Variants in HHLA1 observed in about 807,000 individuals in gnomAD.
The protein encoded by HHLA1 is HHLA1 neighbor of OC90.
Under a neutral mutation model 69.9 loss-of-function variants are expected in HHLA1, and 72 were observed. The observed-to-expected ratio is 1.03, with a 90% CI of 0.85 to 1.25. The LOEUF (loss-of-function observed/expected upper bound fraction) is 1.25. Ranked by LOEUF, HHLA1 falls within the 50% of genes most tolerant of loss-of-function variation. HHLA1 has a pLI of 0.00. For synonymous variants in HHLA1, 252 were observed against 233.2 expected, an observed-to-expected ratio of 1.08 and a Z score of -0.73; for missense variants, 685 against 642.2, an observed-to-expected ratio of 1.07 and a Z score of -0.72.
At chr8:132,082,282 G>T (rs1037618838) in intron 10 of HHLA1, among the ~76,000 whole-genome samples, 9 of 152,326 alleles carry the variant, frequency 5.9e-5, no homozygotes, top group African/African-American at 2.2e-4. Flanking sequence ...TTGTGATTTT[G>T]AGGGCCTCTA....
Position 132,072,045 on chromosome 8 carries a change from G to A in HHLA1, c.1316-552C>T, listed in dbSNP as rs375700128. On this transcript the variant is annotated intron_variant, in intron 14 of 16. Transcript: ENST00000414222. ...GAGTGCAAAAAGGAGAGAAAGAAGG[G>A]CAGGTTGAAAGATGAGACTGGCATG... Among the ~76,000 whole-genome samples the A allele has an allele frequency of 5.3e-5, 8 of 152,160 alleles. No homozygotes were observed. The South Asian group carries it at 1.0e-3, about 20-fold the overall frequency.
intron 3 of HHLA1, chr8:132,101,087 T>C (rs964332674): frequency 1.3e-5 from 17 of 1,347,542 alleles, no homozygotes; most frequent in African/African-American, 3.0e-5. Context: ...ACATGAAAAA[T>C]GACCATTGCA....
In HHLA1 at chr8:132,110,613, AT is replaced by A. The variant is rs1563751957; in HGVS notation, c.-22+488del. On this transcript the variant is annotated intron_variant, in intron 1 of 16. Coordinates refer to ENST00000414222, the MANE Select transcript of HHLA1 (RefSeq NM_001145095.3). ...TTAGGAAACCAAGCCTCAGACAAACATAAGGCCCAAGGGAATGCATCTGGGA... is the reference window on the plus strand; with the variant it reads ...TTAGGAAACCAAGCCTCAGACAAACAAAGGCCCAAGGGAATGCATCTGGGA... Among the ~76,000 whole-genome samples, 4 of 152,246 alleles carry A rather than the reference AT, an allele frequency of 2.6e-5. No individual in the cohort carries two copies. The South Asian group carries it at 6.2e-4, about 24-fold the overall frequency.
chr8:132,089,491 C>T, intron 8 of HHLA1, 25 bp downstream of exon 8: 1 of 1,315,156 alleles, frequency 7.6e-7, no homozygotes, highest in Non-Finnish European at 1.1e-6. Flanking sequence ...TCAAAGTTGC[C>T]AAAGCGTTTT....
chr8:132,105,199 G>C lies in HHLA1; in HGVS notation c.67C>G (p.Leu23Val), dbSNP rs769726560. ...LCMGLACVLS[L>V]WNTVSGIKGE... ...CAGCTAGACCCACCTGTGTTCCAAAGGGACAAGACACATGCCAGGCCCATG... is the reference window on the plus strand; with the variant it reads ...CAGCTAGACCCACCTGTGTTCCAAACGGACAAGACACATGCCAGGCCCATG... The change falls in exon 2 of 17, where the codon CTT becomes GTT. Residue 23 changes from leucine (L) to valine (V), a missense_variant. Physicochemically the swap from Leu to Val is conservative, Grantham distance 32 (BLOSUM62 1). Coordinates refer to ENST00000414222, the MANE Select transcript of HHLA1 (RefSeq NM_001145095.3). 5 of 1,551,950 alleles carry C rather than the reference G, an allele frequency of 3.2e-6. No homozygotes were observed. The highest frequency in any genetic ancestry group is 1.7e-4 in the Middle Eastern group (1 of 5,996).
At chr8:132,080,441 C>A (rs1823731253) in intron 10 of HHLA1, 1 of 285,774 alleles carries the variant, frequency 3.5e-6, no homozygotes, top group Non-Finnish European at 6.7e-6. Flanking sequence ...GAGTGGGGGT[C>A]TCAAGGTGCT....
At chr8:132,074,914 AAGAG>A (rs1344191297) in intron 14 of HHLA1, among the ~76,000 whole-genome samples, 2 of 152,212 alleles carry the variant, frequency 1.3e-5, no homozygotes, top group Non-Finnish European at 1.5e-5. Context: ...TAGAGCTAAC[AAGAG>A]AGACAGATAG....
chr8:132,075,136 A>G (rs1220381818), intron 14 of HHLA1, among the ~76,000 whole-genome samples: 2 of 152,196 alleles, frequency 1.3e-5, no homozygotes, highest in Non-Finnish European at 2.9e-5. Context: ...GCATAATCAC[A>G]TCTTTGTGTC....
chr8:132,076,476 T>C lies in HHLA1; in HGVS notation c.1239A>G (p.Thr413=), dbSNP rs777987005. The C allele has an allele frequency of 3.9e-6, 5 of 1,266,444 alleles. No homozygotes were observed. The highest frequency in any genetic ancestry group is 5.1e-6 in the Non-Finnish European group (5 of 974,550). The allele number at this position is 1,266,444 out of a possible 1,614,324, so 78.5% of individuals were successfully genotyped here. A position where few individuals can be genotyped will look rare whatever the true frequency, so the allele number is the denominator to read the frequency against. The change falls in exon 13 of 17, where the codon ACA becomes ACG. Residue 413 remains threonine, a splice_region_variant and synonymous_variant. Coordinates refer to ENST00000414222, the MANE Select transcript of HHLA1 (RefSeq NM_001145095.3). The part of the protein sequence containing the change: ...TKATAPRYPQ[T]GDLSAEWPFT... ...CCACTTCCGTACTGAGTTTCTCACC[T>C]GTTTGTGGATATCTGGGGGCTGTTG...
intron 14 of HHLA1, among the ~76,000 whole-genome samples, chr8:132,073,755 T>G (rs147652665): frequency 1.6e-3 from 241 of 152,254 alleles, no homozygotes; most frequent in Middle Eastern, 0.01. Flanking sequence ...ACTTGGGATA[T>G]TCACTTAGTT....
intron 3 of HHLA1, 116 bp from the exon 4 acceptor site, chr8:132,100,250 C>T (rs1024455334): frequency 2.0e-5 from 15 of 731,790 alleles, no homozygotes; most frequent in African/African-American, 1.4e-4. Flanking sequence ...GAGTCACTGG[C>T]GGACACTGAG....
intron 16 of HHLA1, among the ~76,000 whole-genome samples, chr8:132,065,204 A>G (rs185680628): frequency 6.6e-6 from 1 of 152,334 alleles, no homozygotes; most frequent in Admixed American, 6.5e-5. Flanking sequence ...TACCATAATG[A>G]AACATAAATT....
chr8:132,073,128 C>G (rs570909494), intron 14 of HHLA1, among the ~76,000 whole-genome samples: 6 of 152,202 alleles, frequency 3.9e-5, no homozygotes, highest in Admixed American at 3.9e-4. Context: ...TATAATTTAG[C>G]AGTAATTACT....
At chr8:132,082,164 G>T (rs1031578205) in intron 10 of HHLA1, among the ~76,000 whole-genome samples, 1 of 152,222 alleles carries the variant, frequency 6.6e-6, no homozygotes, top group Non-Finnish European at 1.5e-5. Context: ...TCAACAAAGA[G>T]TGAGTATAGC....
chr8:132,073,963 CT>C (rs149632412), intron 14 of HHLA1, among the ~76,000 whole-genome samples: 2,807 of 152,252 alleles, frequency 0.018, 71 homozygotes, highest in African/African-American at 0.062. Context: ...TCTCCTGTTC[CT>C]CCCCATTCTG....
At chr8:132,089,012 T>TAAA in intron 8 of HHLA1, among the ~76,000 whole-genome samples, 1 of 152,234 alleles carries the variant, frequency 6.6e-6, no homozygotes, top group African/African-American at 2.4e-5. Flanking sequence ...GTTGGACTGT[T>TAAA]GAATAGATCC....
chr8:132,099,798 G>A (rs949784120), intron 4 of HHLA1, among the ~76,000 whole-genome samples: 26 of 151,958 alleles, frequency 1.7e-4, no homozygotes, highest in Non-Finnish European at 3.2e-4. Context: ...AGGTTGCAGT[G>A]AGCCAAGATC....
Position 132,087,715 on chromosome 8 carries a change from T to C in HHLA1, c.614A>G (p.Glu205Gly), listed in dbSNP as rs760432161. ...KSGRNLSDFW[E>G]IEEKYPIINY... ...GATAATGGGATATTTTTCTTCTATC[T>C]CCCAGAAGTCAGAAAGATTCCTTCC... is the stretch of plus-strand genomic sequence containing the variant. The change falls in exon 10 of 17, where the codon GAG becomes GGG. Residue 205 changes from glutamate (E) to glycine (G), a missense_variant. By Grantham distance (98) the Glu-to-Gly change is moderately conservative. Coordinates refer to ENST00000414222, the MANE Select transcript of HHLA1 (RefSeq NM_001145095.3). 6.4e-7 allele frequency: 1 copy of C among 1,551,484 alleles called. No homozygotes were observed. The highest frequency in any genetic ancestry group is 8.7e-7 in the Non-Finnish European group (1 of 1,146,816).
intron 16 of HHLA1, among the ~76,000 whole-genome samples, chr8:132,064,912 T>C (rs1302997936): frequency 6.6e-6 from 1 of 152,130 alleles, no homozygotes; most frequent in Non-Finnish European, 1.5e-5. Flanking sequence ...TATTACACTG[T>C]TTCGTTTGTT....
Sources: allele counts gnomAD v4.1 joint callset (sites outside exome capture counted in the v4.1 genomes callset), GRCh38; gene constraint gnomAD v4.1.1; transcripts MANE v1.5; gene names NCBI Gene and HGNC (gene_info 2026-07-23, HGNC 2026-07-21).